The following CCDC102B variants were observed in gnomAD, a reference collection of about 807,000 sequenced individuals.
CCDC102B encodes coiled-coil domain containing 102B, also known as coiled-coil domain-containing protein 102B.
CCDC102B carries 75 observed loss-of-function variants against 57.4 expected under a neutral mutation model. That is an observed-to-expected ratio of 1.31 (90% CI 1.08 to 1.58). The LOEUF is 1.58. CCDC102B is among the 40% of genes most tolerant of loss of function. The probability of loss-of-function intolerance (pLI) is 0.00; values close to 1 mark genes in which losing one functional copy is unlikely to be tolerated. For missense variants in CCDC102B, 636 were observed against 582.6 expected, an observed-to-expected ratio of 1.09 and a Z score of -0.94; for synonymous variants, 206 against 201.9, an observed-to-expected ratio of 1.02 and a Z score of -0.17.
chr18:68,735,936 GGTA>G (rs1407009170), intron 2 of CCDC102B, among the ~76,000 whole-genome samples: 1 of 152,164 alleles, frequency 6.6e-6, no homozygotes. Flanking sequence ...GACATCATGT[GGTA>G]GTATAAGGTT....
chr18:69,042,097 G>T, intron 7 of CCDC102B, among the ~76,000 whole-genome samples: 1 of 152,006 alleles, frequency 6.6e-6, no homozygotes, highest in Non-Finnish European at 1.5e-5. Context: ...GGCTTGAAAA[G>T]AAGAAACGAA....
intron 6 of CCDC102B, among the ~76,000 whole-genome samples, chr18:68,952,469 T>G (rs1424378576): frequency 6.6e-6 from 1 of 151,908 alleles, no homozygotes; most frequent in East Asian, 1.9e-4. Flanking sequence ...GGTTATAGAG[T>G]AGATAACAGT....
intron 5 of CCDC102B, among the ~76,000 whole-genome samples, chr18:68,896,759 T>G (rs1599651114): frequency 6.6e-6 from 1 of 151,960 alleles, no homozygotes; most frequent in Non-Finnish European, 1.5e-5. Flanking sequence ...AAATGTTGCA[T>G]AGATAGAGAG....
At chr18:68,938,996 ACC>A (rs2049314555) in intron 6 of CCDC102B, among the ~76,000 whole-genome samples, 1 of 151,816 alleles carries the variant, frequency 6.6e-6, no homozygotes, top group Non-Finnish European at 1.5e-5. Flanking sequence ...GAAATAGATA[ACC>A]AATATTTTAA....
intron 2 of CCDC102B, among the ~76,000 whole-genome samples, chr18:68,763,654 T>C (rs936281417): frequency 6.6e-6 from 1 of 151,560 alleles, no homozygotes; most frequent in African/African-American, 2.4e-5. Flanking sequence ...TACAGAATAT[T>C]TTATATTCTG....
intron 2 of CCDC102B, among the ~76,000 whole-genome samples, chr18:68,733,507 T>TATATATA (rs1491296876): frequency 4.1e-4 from 31 of 76,120 alleles, no homozygotes; most frequent in South Asian, 1.0e-3. Context: ...TATATATATA[T>TATATATA]TTTTTTAACT....
intron 6 of CCDC102B, among the ~76,000 whole-genome samples, chr18:68,969,965 T>C (rs1017303707): frequency 6.6e-6 from 1 of 152,072 alleles, no homozygotes; most frequent in Non-Finnish European, 1.5e-5. Context: ...GAGAAAATTA[T>C]ATAGCCTTGA....
chr18:68,841,064 C>T (rs986221048), intron 3 of CCDC102B, among the ~76,000 whole-genome samples: 1 of 152,206 alleles, frequency 6.6e-6, no homozygotes, highest in Non-Finnish European at 1.5e-5. Context: ...TCAACATTTG[C>T]ATGCAATCCG....
intron 6 of CCDC102B, among the ~76,000 whole-genome samples, chr18:68,999,870 A>G (rs1278281747): frequency 6.6e-6 from 1 of 152,190 alleles, no homozygotes; most frequent in Non-Finnish European, 1.5e-5. Flanking sequence ...CTAGAATCAA[A>G]TAGTGCATTA....
intron 7 of CCDC102B, among the ~76,000 whole-genome samples, chr18:69,036,003 T>TCC (rs1464964300): frequency 6.6e-6 from 1 of 152,086 alleles, no homozygotes; most frequent in African/African-American, 2.4e-5. Context: ...CTTGCCAGAA[T>TCC]CCCCGATGCT....
intron 5 of CCDC102B, among the ~76,000 whole-genome samples, chr18:68,881,781 C>T (rs1436839820): frequency 1.3e-5 from 2 of 152,064 alleles, no homozygotes; most frequent in Non-Finnish European, 2.9e-5. Flanking sequence ...TATAATTTAT[C>T]TCTCCCATTC....
chr18:68,723,380 C>T (rs1156792961), intron 2 of CCDC102B, among the ~76,000 whole-genome samples: 3 of 152,116 alleles, frequency 2.0e-5, no homozygotes, highest in Non-Finnish European at 2.9e-5. Context: ...CCACAGCCCC[C>T]TACGTCAGCT....
At chr18:68,854,807 G>A (rs2038309451) in intron 4 of CCDC102B, among the ~76,000 whole-genome samples, 1 of 152,150 alleles carries the variant, frequency 6.6e-6, no homozygotes, top group African/African-American at 2.4e-5. Flanking sequence ...TTTAGGACAT[G>A]GGAAGGAAAG....
chr18:68,895,899 G>C (rs940215104), intron 5 of CCDC102B, among the ~76,000 whole-genome samples: 1 of 151,774 alleles, frequency 6.6e-6, no homozygotes, highest in African/African-American at 2.4e-5. Flanking sequence ...TTGATGTCTC[G>C]ATATCCATAT....
chr18:68,856,958 A>G (rs574346486), intron 4 of CCDC102B, among the ~76,000 whole-genome samples: 8 of 143,908 alleles, frequency 5.6e-5, no homozygotes, highest in Non-Finnish European at 1.0e-4. Context: ...CAGTCTATAT[A>G]TATACACACA....
At position 68,862,525 on chromosome 18, in the gene CCDC102B, G is replaced by A. The variant is rs553971645; in HGVS notation, c.937-12144G>A. ...TGATTCAGTAGTTCAACTCTTACAT[G>A]AACTACCATCCATATTCATCTGCAC... On this transcript the variant is annotated intron_variant, in intron 4 of 7. Coordinates refer to ENST00000360242, the MANE Select transcript of CCDC102B (RefSeq NM_024781.3). Among the ~76,000 whole-genome samples the A allele has an allele frequency of 2.7e-3, 409 of 152,022 alleles. 2 individuals are homozygous for A. The highest frequency in any genetic ancestry group is 9.3e-3 in the African/African-American group (384 of 41,484).
chr18:68,858,415 G>A (rs1005069806), intron 4 of CCDC102B, among the ~76,000 whole-genome samples: 1 of 151,990 alleles, frequency 6.6e-6, no homozygotes, highest in East Asian at 1.9e-4. Context: ...GAAATTCTTG[G>A]ATCTCTTCAG....
chr18:68,938,353 T>G (rs2049298056), intron 6 of CCDC102B, among the ~76,000 whole-genome samples: 1 of 152,038 alleles, frequency 6.6e-6, no homozygotes, highest in Admixed American at 6.6e-5. Flanking sequence ...TGAGGCCATG[T>G]TTTATACATT....
At chr18:68,917,698 C>T (rs548920599) in intron 6 of CCDC102B, among the ~76,000 whole-genome samples, 13 of 152,184 alleles carry the variant, frequency 8.5e-5, no homozygotes, top group Admixed American at 5.9e-4. Context: ...TTATCAATCC[C>T]CAATATCAAA....
Sources: allele counts gnomAD v4.1 joint callset (sites outside exome capture counted in the v4.1 genomes callset), GRCh38; gene constraint gnomAD v4.1.1; transcripts MANE v1.5; gene names NCBI Gene and HGNC (gene_info 2026-07-23, HGNC 2026-07-21).